ZEB1: variants seen among roughly 807,000 people sequenced by gnomAD.
ZEB1 encodes zinc finger E-box-binding homeobox 1.
Under a neutral mutation model 84.9 loss-of-function variants are expected in ZEB1, and 21 were observed. The ratio of observed to expected loss-of-function variants is 0.25; its 90% CI spans 0.18 to 0.36. The LOEUF (loss-of-function observed/expected upper bound fraction) is 0.36. ZEB1 is among the 10% of genes least tolerant of loss of function. The pLI is 1.00. For missense variants in ZEB1, 1,104 were observed against 1,330.2 expected, an observed-to-expected ratio of 0.83 and a Z score of 2.65; for synonymous variants, 420 against 471.1, an observed-to-expected ratio of 0.89 and a Z score of 1.41.
intron 1 of ZEB1, among the ~76,000 whole-genome samples, chr10:31,331,966 A>G (rs1159201747): frequency 2.0e-5 from 3 of 152,228 alleles, no homozygotes; most frequent in Non-Finnish European, 4.4e-5. Context: ...ACATGATTAC[A>G]TTTATATACA....
At chr10:31,330,270 A>C (rs1035931962) in intron 1 of ZEB1, among the ~76,000 whole-genome samples, 1 of 152,196 alleles carries the variant, frequency 6.6e-6, no homozygotes, top group African/African-American at 2.4e-5. Flanking sequence ...GGGCCCAACT[A>C]ATACCCAAAG....
At chr10:31,457,580 T>C (rs969394076) in intron 1 of ZEB1, among the ~76,000 whole-genome samples, 1 of 152,100 alleles carries the variant, frequency 6.6e-6, no homozygotes, top group Non-Finnish European at 1.5e-5. Context: ...AAGATAGTTA[T>C]AAAATATATA....
intron 1 of ZEB1, among the ~76,000 whole-genome samples, chr10:31,442,788 T>C (rs1591314910): frequency 6.6e-6 from 1 of 152,224 alleles, no homozygotes; most frequent in East Asian, 1.9e-4. Context: ...GAGTAATGAA[T>C]TATGTCAAAT....
intron 1 of ZEB1, among the ~76,000 whole-genome samples, chr10:31,424,890 A>G (rs1372023289): frequency 6.6e-6 from 1 of 152,054 alleles, no homozygotes; most frequent in Non-Finnish European, 1.5e-5. Context: ...AATAAGAATA[A>G]CCTTGGTACA....
intron 7 of ZEB1, among the ~76,000 whole-genome samples, chr10:31,522,985 C>T (rs2072715968): frequency 1.3e-5 from 2 of 152,170 alleles, no homozygotes; most frequent in Non-Finnish European, 2.9e-5. Flanking sequence ...ATTTCATAGA[C>T]TCACGTGTCA....
At chr10:31,441,690 T>A (rs138266435) in intron 1 of ZEB1, among the ~76,000 whole-genome samples, 11,873 of 152,102 alleles carry the variant, frequency 0.078, 660 homozygotes, top group African/African-American at 0.16. Context: ...GAATCTACAA[T>A]GAACTCAAAC....
At chr10:31,345,518 T>TTCC (rs758909790) in intron 1 of ZEB1, among the ~76,000 whole-genome samples, 80 of 152,226 alleles carry the variant, frequency 5.3e-4, no homozygotes, top group Non-Finnish European at 5.9e-4. Flanking sequence ...AGCCTTGATG[T>TTCC]TCCCATAAAG....
chr10:31,522,314 ATGAAAATATGT>A (rs2072583696), intron 7 of ZEB1, among the ~76,000 whole-genome samples: 2 of 152,336 alleles, frequency 1.3e-5, no homozygotes, highest in South Asian at 4.1e-4. Context: ...TCATTAATTA[ATGAAAATATGT>A]TCCCATTCAC....
chr10:31,397,156 TTTTTTATTATTA>T (rs1407768029), intron 1 of ZEB1, among the ~76,000 whole-genome samples: 47 of 118,686 alleles, frequency 4.0e-4, no homozygotes, highest in African/African-American at 1.3e-3. Context: ...TCATCTTGGG[TTTTTTATTATTA>T]TTATTATTAT....
At chr10:31,335,819 A>C (rs2037900899) in intron 1 of ZEB1, among the ~76,000 whole-genome samples, 1 of 152,176 alleles carries the variant, frequency 6.6e-6, no homozygotes, top group African/African-American at 2.4e-5. Flanking sequence ...AAAAGCTATT[A>C]TTATTTGCAG....
intron 6 of ZEB1, among the ~76,000 whole-genome samples, chr10:31,518,595 A>G (rs529324050): frequency 1.5e-4 from 23 of 152,262 alleles, no homozygotes; most frequent in East Asian, 1.2e-3. Flanking sequence ...TAACAGTCCA[A>G]TGAGAATGTA....
chr10:31,512,352 T>G (rs2070238487), intron 5 of ZEB1, among the ~76,000 whole-genome samples: 1 of 152,134 alleles, frequency 6.6e-6, no homozygotes, highest in African/African-American at 2.4e-5. Flanking sequence ...ACCAATTCTA[T>G]GATGATTTTT....
rs189582199 is a variant in ZEB1, at chr10:31,489,497, G to T, written c.260-6279G>T. The stretch of plus-strand genomic sequence containing the variant: ...TAAAATGTTTTATGTTTGGATTTGG[G>T]TTTATCATTTTATTATTTGTTTTTT... On this transcript the variant is annotated intron_variant, in intron 2 of 8. Transcript: ENST00000424869. Among the ~76,000 whole-genome samples the T allele has an allele frequency of 1.6e-3, 235 of 150,934 alleles. 1 individual carries two copies. The highest frequency in any genetic ancestry group is 4.8e-3 in the African/African-American group (197 of 41,360).
intron 1 of ZEB1, among the ~76,000 whole-genome samples, chr10:31,458,650 G>C (rs2061509719): frequency 6.6e-6 from 1 of 152,028 alleles, no homozygotes; most frequent in African/African-American, 2.4e-5. Context: ...CTGGAAGGCA[G>C]TTTAACAGTA....
At chr10:31,509,191 G>C (rs925334932) in intron 4 of ZEB1, among the ~76,000 whole-genome samples, 3 of 152,112 alleles carry the variant, frequency 2.0e-5, no homozygotes, top group Admixed American at 6.5e-5. Flanking sequence ...TAGAACTCAG[G>C]GGGTGTACAG....
At chr10:31,426,605 TC>T (rs1224519555) in intron 1 of ZEB1, among the ~76,000 whole-genome samples, 1 of 152,190 alleles carries the variant, frequency 6.6e-6, no homozygotes, top group Non-Finnish European at 1.5e-5. Flanking sequence ...ATCTGACTGT[TC>T]CTAGTGCACA....
At chr10:31,387,133 A>C in intron 1 of ZEB1, 2 of 985,866 alleles carry the variant, frequency 2.0e-6, no homozygotes, top group Non-Finnish European at 2.4e-6. Flanking sequence ...GGACAACCTT[A>C]AACTTCCACC....
intron 4 of ZEB1, among the ~76,000 whole-genome samples, chr10:31,509,585 T>C (rs975535965): frequency 2.0e-5 from 3 of 152,238 alleles, no homozygotes; most frequent in Non-Finnish European, 4.4e-5. Context: ...TTTGACCAAC[T>C]ATTTAACATT....
At chr10:31,468,414 TATC>T (rs1343660881) in intron 2 of ZEB1, among the ~76,000 whole-genome samples, 1 of 152,206 alleles carries the variant, frequency 6.6e-6, no homozygotes, top group African/African-American at 2.4e-5. Context: ...CAACTGTTGA[TATC>T]ATTGCACAGC....
Sources: allele counts gnomAD v4.1 joint callset (sites outside exome capture counted in the v4.1 genomes callset), GRCh38; gene constraint gnomAD v4.1.1; transcripts MANE v1.5; gene names NCBI Gene and HGNC (gene_info 2026-07-23, HGNC 2026-07-21).